TENM1: variants seen among roughly 807,000 people sequenced by gnomAD.
The protein encoded by TENM1 is teneurin-1.
A neutral mutation model predicts 174.8 loss-of-function variants in TENM1; 35 were observed. That is an observed-to-expected ratio of 0.20 (90% CI 0.15 to 0.27). The LOEUF is 0.27. Among genes scored for constraint, TENM1 ranks in the 10% least tolerant of loss-of-function variants. The pLI is 1.00. For missense variants in TENM1, 1,633 were observed against 2,130.1 expected, an observed-to-expected ratio of 0.77 and a Z score of 4.59; for synonymous variants, 781 against 798.7, an observed-to-expected ratio of 0.98 and a Z score of 0.37.
the TENM1 span, among the ~76,000 whole-genome samples, chrX:125,042,668 A>C: frequency 9.0e-6 from 1 of 111,665 alleles, no homozygotes; most frequent in African/African-American, 3.2e-5. Flanking sequence ...AGGTGGGAGC[A>C]GTTTGGAGAG....
At chrX:124,866,000 G>C in intron 3 of TENM1, among the ~76,000 whole-genome samples, 1 of 111,808 alleles carries the variant, frequency 8.9e-6, no homozygotes, top group Non-Finnish European at 1.9e-5. Flanking sequence ...GGAGCACCCA[G>C]ATATATAAAA....
At chrX:124,797,083 G>A (rs1480703630) in intron 3 of TENM1, among the ~76,000 whole-genome samples, 1 of 111,643 alleles carries the variant, frequency 9.0e-6, no homozygotes, top group Non-Finnish European at 1.9e-5. Context: ...TTCCAACTCT[G>A]AAATGGATTA....
At chrX:125,187,272 GAA>G in the TENM1 span, among the ~76,000 whole-genome samples, 211 of 112,065 alleles carry the variant, frequency 1.9e-3, no homozygotes, top group Non-Finnish European at 3.2e-3. Flanking sequence ...AAACAAAAGA[GAA>G]AAAAGTCATT....
chrX:125,198,121 T>C, the TENM1 span, among the ~76,000 whole-genome samples: 1 of 112,259 alleles, frequency 8.9e-6, no homozygotes, highest in African/African-American at 3.2e-5. Context: ...TGACTACTTA[T>C]TAATTTACAA....
At chrX:125,197,963 T>C in the TENM1 span, among the ~76,000 whole-genome samples, 1 of 112,199 alleles carries the variant, frequency 8.9e-6, no homozygotes, top group South Asian at 3.6e-4. Context: ...CTCAGGACTT[T>C]AGCCGGTATT....
intron 3 of TENM1, among the ~76,000 whole-genome samples, chrX:124,786,898 T>C (rs1174516885): frequency 8.9e-6 from 1 of 111,810 alleles, no homozygotes; most frequent in East Asian, 2.8e-4. Flanking sequence ...GTACTCATTC[T>C]TTAATATGTA....
At chrX:124,473,527 C>T (rs919157070) in intron 22 of TENM1, among the ~76,000 whole-genome samples, 5 of 111,526 alleles carry the variant, frequency 4.5e-5, no homozygotes, top group African/African-American at 6.5e-5. Context: ...TGCATGTAGG[C>T]GTCCAAGTTT....
intron 3 of TENM1, among the ~76,000 whole-genome samples, chrX:124,860,234 T>C (rs1027665581): frequency 8.9e-6 from 1 of 112,259 alleles, no homozygotes; most frequent in Non-Finnish European, 1.9e-5. Flanking sequence ...ATACCCCATG[T>C]ATGTAATGAG....
chrX:124,596,097 T>A (rs748078124), intron 11 of TENM1, among the ~76,000 whole-genome samples: 1 of 112,456 alleles, frequency 8.9e-6, no homozygotes, highest in Admixed American at 9.4e-5. Context: ...CAATTTTATT[T>A]TTAAGCAACT....
the TENM1 span, among the ~76,000 whole-genome samples, chrX:124,969,073 T>C: frequency 8.9e-6 from 1 of 111,825 alleles, no homozygotes; most frequent in Non-Finnish European, 1.9e-5. Flanking sequence ...GTAAATGTTA[T>C]TTAGACATGA....
At chrX:124,832,260 A>C (rs1056508171) in intron 3 of TENM1, among the ~76,000 whole-genome samples, 10 of 112,527 alleles carry the variant, frequency 8.9e-5, no homozygotes, top group African/African-American at 3.2e-4. Context: ...TGCCTGTATG[A>C]AGGCTTTAGT....
chrX:124,539,756 G>A (rs1239856430), intron 15 of TENM1, among the ~76,000 whole-genome samples: 1 of 111,129 alleles, frequency 9.0e-6, no homozygotes, highest in Non-Finnish European at 1.9e-5. Context: ...AAATGTCAAA[G>A]GATGATGAAA....
chrX:124,668,226 T>C (rs778389092), intron 6 of TENM1, among the ~76,000 whole-genome samples: 2 of 111,565 alleles, frequency 1.8e-5, no homozygotes, highest in South Asian at 7.6e-4. Context: ...TGTAGAGAAA[T>C]AGAAACACTT....
At chrX:124,957,885 C>G in intron 1 of TENM1, among the ~76,000 whole-genome samples, 2 of 111,770 alleles carry the variant, frequency 1.8e-5, no homozygotes, top group Admixed American at 1.9e-4. Flanking sequence ...TGGAGATATT[C>G]AAAAACTAAT....
intron 3 of TENM1, among the ~76,000 whole-genome samples, chrX:124,762,070 A>G (rs1202900633): frequency 1.8e-5 from 2 of 112,398 alleles, no homozygotes; most frequent in Non-Finnish European, 3.8e-5. Context: ...TGTGTTAAAT[A>G]CATTGCAAAT....
chrX:125,105,919 G>A, the TENM1 span, among the ~76,000 whole-genome samples: 1 of 111,985 alleles, frequency 8.9e-6, no homozygotes, highest in Non-Finnish European at 1.9e-5. Context: ...TGAATGATCT[G>A]AACTCTGACT....
chrX:124,805,101 C>T (rs1181746873), intron 3 of TENM1, among the ~76,000 whole-genome samples: 1 of 111,597 alleles, frequency 9.0e-6, no homozygotes, highest in Non-Finnish European at 1.9e-5. Flanking sequence ...TGCTTTATCT[C>T]ATTTATCTTA....
chrX:124,982,940 A>G, the TENM1 span, among the ~76,000 whole-genome samples: 2 of 112,232 alleles, frequency 1.8e-5, no homozygotes, highest in African/African-American at 6.5e-5. Context: ...GCTCGGTTCT[A>G]CTACCAGTTC....
chrX:124,627,739 T>C (rs1043866226), intron 11 of TENM1, among the ~76,000 whole-genome samples: 2 of 112,198 alleles, frequency 1.8e-5, no homozygotes, highest in African/African-American at 6.5e-5. Context: ...ATTATCTCCA[T>C]AGGTCTTCTG....
Sources: gnomAD v4.1 joint callset for allele counts (sites outside exome capture counted in the v4.1 genomes callset) on GRCh38, gnomAD v4.1.1 for gene constraint, MANE v1.5 for transcripts, NCBI Gene and HGNC (gene_info 2026-07-23, HGNC 2026-07-21) for gene names.